The following SMG9 variants were observed in gnomAD, a reference collection of about 807,000 sequenced individuals.
The protein encoded by SMG9 is SMG9 nonsense mediated mRNA decay factor.
Under a neutral mutation model 64.0 loss-of-function variants are expected in SMG9, and 55 were observed. That is an observed-to-expected ratio of 0.86 (90% CI 0.69 to 1.08). SMG9 has a LOEUF of 1.08. Ranked by LOEUF, SMG9 falls within the 50% of genes least tolerant of loss-of-function variation. The pLI, the probability that SMG9 is intolerant of heterozygous loss-of-function variation, is 0.00. For synonymous variants in SMG9, 244 were observed against 254.8 expected, an observed-to-expected ratio of 0.96 and a Z score of 0.41; for missense variants, 554 against 681.3, an observed-to-expected ratio of 0.81 and a Z score of 2.08.
At chr19:43,746,010 A>AG (rs1968991265) in intron 5 of SMG9, among the ~76,000 whole-genome samples, 1 of 143,776 alleles carries the variant, frequency 7.0e-6, no homozygotes, top group African/African-American at 2.6e-5. Context: ...ACAAAAAAAC[A>AG]AAAAAAAAAA....
intron 13 of SMG9, 23 bp downstream of exon 13, chr19:43,732,834 AC>A: frequency 6.8e-6 from 11 of 1,611,580 alleles, no homozygotes; most frequent in Non-Finnish European, 9.3e-6. Flanking sequence ...CCTCAAATTG[AC>A]CCCCTCTGCA....
chr19:43,732,570 T>C, intron 13 of SMG9: 1 of 424,452 alleles, frequency 2.4e-6, no homozygotes, highest in South Asian at 2.3e-5. Context: ...ATGTGTGGCC[T>C]TGCTATGTAA....
chr19:43,752,860 C>T (rs1417875659), intron 1 of SMG9, among the ~76,000 whole-genome samples: 1 of 141,840 alleles, frequency 7.1e-6, no homozygotes, highest in Non-Finnish European at 1.5e-5. Context: ...GATCATGCTG[C>T]ACCACTGCAC....
rs779884859 is a variant in SMG9 at position 43,750,669 on chromosome 19, A to G, written c.73T>C (p.Ser25Pro). Reference protein sequence around the residue: ...ERRRRWKEPGSGGPQNLSGPG... With the variant: ...ERRRRWKEPGPGGPQNLSGPG... ...CCAGAGAGATTCTGGGGGCCACCAGAGCCAGGCTCCTTCCACCGTCGCCGC... is the reference window on the plus strand; with the variant it reads ...CCAGAGAGATTCTGGGGGCCACCAGGGCCAGGCTCCTTCCACCGTCGCCGC... Residue 25 changes from serine to proline, a missense_variant, in exon 2 of 14, where the codon TCT (serine) becomes CCT (proline). Coordinates refer to ENST00000270066, the MANE Select transcript of SMG9 (RefSeq NM_019108.4). The G allele has an allele frequency of 1.9e-6, 3 of 1,614,044 alleles. No individual in the cohort carries two copies. Among genetic ancestry groups the G allele is most frequent in the South Asian group, 1.1e-5 (1 of 91,070 alleles).
chr19:43,744,990 A>G (rs1968957283), intron 5 of SMG9, 106 bp from the exon 6 acceptor site: 4 of 724,824 alleles, frequency 5.5e-6, no homozygotes, highest in African/African-American at 3.6e-5. Context: ...GCCTTATCAT[A>G]TATGAAGAGA....
intron 9 of SMG9, 95 bp downstream of exon 9, chr19:43,737,502 C>G: frequency 4.6e-6 from 5 of 1,097,826 alleles, no homozygotes; most frequent in Non-Finnish European, 5.3e-6. Context: ...AAGGATCCCT[C>G]TGGCTGCTGT....
intron 6 of SMG9, among the ~76,000 whole-genome samples, 163 bp from the exon 7 acceptor site, chr19:43,740,381 G>A (rs747167091): frequency 2.0e-5 from 3 of 152,028 alleles, no homozygotes; most frequent in Non-Finnish European, 4.4e-5. Flanking sequence ...CGGGGGTAGT[G>A]CATGTTTTGA....
rs1189633751 is a variant in SMG9 at position 43,750,777 on chromosome 19, G to A, written c.-6-30C>T. 1.9e-6 allele frequency: 3 copies of A among 1,582,388 alleles called. No homozygotes were observed. The African/African-American group carries it at 4.1e-5, about 21-fold the overall frequency. Reference sequence around the variant, plus strand: ...GGAGGGAATGAGGGGATTTCAGGATGACAGAGTCTCTTCCTACTCTACTTG... The same window carrying A: ...GGAGGGAATGAGGGGATTTCAGGATAACAGAGTCTCTTCCTACTCTACTTG... On this transcript the variant is annotated intron_variant, in intron 1 of 13. Transcript: ENST00000270066.
At chr19:43,732,791 G>A in intron 13 of SMG9, 67 bp downstream of exon 13, 1 of 1,594,144 alleles carries the variant, frequency 6.3e-7, no homozygotes, top group East Asian at 2.2e-5. Flanking sequence ...CGATCTAAGG[G>A]ACGCCCCCTT....
In SMG9 at chr19:43,733,711, GC is replaced by G; in HGVS notation, c.1124del (p.Arg375ProfsTer15). On this transcript the variant is annotated frameshift_variant, in exon 11 of 14. Coordinates refer to ENST00000270066, the MANE Select transcript of SMG9 (RefSeq NM_019108.4). LOFTEE classifies it high-confidence loss of function. ...GCTTCCGAGGACAGAAGTCCTCTCGGCGAGCTTTGTTCTGCAAGAAGACTGA... is the reference window on the plus strand; with the variant it reads ...GCTTCCGAGGACAGAAGTCCTCTCGGGAGCTTTGTTCTGCAAGAAGACTGA... ...PHLVFLQNKA[R>X]REDFCPRKLR... The G allele has an allele frequency of 6.2e-7, 1 of 1,614,164 alleles. No individual in the cohort carries two copies. The highest frequency in any genetic ancestry group is 8.5e-7 in the Non-Finnish European group (1 of 1,180,026).
intron 6 of SMG9, among the ~76,000 whole-genome samples, chr19:43,741,581 A>C (rs1160095221): frequency 6.6e-6 from 1 of 152,072 alleles, no homozygotes; most frequent in Non-Finnish European, 1.5e-5. Flanking sequence ...AAAAGTGGAG[A>C]TAGGCTTACA....
intron 6 of SMG9, among the ~76,000 whole-genome samples, chr19:43,740,449 G>A (rs1268548896): frequency 2.0e-5 from 3 of 152,144 alleles, no homozygotes; most frequent in Admixed American, 1.3e-4. Flanking sequence ...AATGAAGCCA[G>A]TACACTGAGG....
intron 10 of SMG9, 21 bp from the exon 11 acceptor site, chr19:43,733,754 GC>G (rs759965138): frequency 2.5e-6 from 4 of 1,597,096 alleles, no homozygotes; most frequent in Non-Finnish European, 2.6e-6. Context: ...GAAGAGACGG[GC>G]CCTGTCAGGC....
chr19:43,735,492 C>A (rs977352418), intron 9 of SMG9, among the ~76,000 whole-genome samples: 1 of 151,828 alleles, frequency 6.6e-6, no homozygotes, highest in African/African-American at 2.4e-5. Context: ...GTGGCACACA[C>A]CTGTAGTCCC....
At chr19:43,743,951 C>T (rs185978266) in intron 6 of SMG9, among the ~76,000 whole-genome samples, 249 of 152,318 alleles carry the variant, frequency 1.6e-3, no homozygotes, top group African/African-American at 5.8e-3. Context: ...TTCTTCACCA[C>T]CCCAGTGGCT....
At chr19:43,754,513 G>C (rs184951098) in intron 1 of SMG9, 141 bp downstream of exon 1, 1 of 152,132 alleles carries the variant, frequency 6.6e-6, no homozygotes, top group Non-Finnish European at 1.5e-5. Context: ...TCGAATTGAC[G>C]GTCGCCGGCC....
rs904887148 is a variant in SMG9, at chr19:43,750,110, C to G, written c.150+482G>C. ...AAACATGAGCTATGGCACCTCTCAG[C>G]TCAAACTCTCCAATGCCAATTTCAC... On this transcript the variant is annotated intron_variant, in intron 2 of 13. Coordinates refer to ENST00000270066, the MANE Select transcript of SMG9 (RefSeq NM_019108.4). 2.1e-4 allele frequency: 111 copies of G among 519,586 alleles called. 1 individual carries two copies. Among genetic ancestry groups the G allele is most frequent in the Non-Finnish European group, 2.7e-4 (71 of 259,606 alleles). 32.2% of individuals were successfully genotyped at this position (519,586 alleles called of 1,614,324 possible).
At chr19:43,752,718 C>G (rs1375192018) in intron 1 of SMG9, among the ~76,000 whole-genome samples, 1 of 151,954 alleles carries the variant, frequency 6.6e-6, no homozygotes, top group Non-Finnish European at 1.5e-5. Flanking sequence ...GGCAACATAG[C>G]AAGATCCTGT....
In SMG9 at chr19:43,750,882, T is replaced by G. The variant is rs184103397; in HGVS notation, c.-6-135A>C. ...CTCTGTCGCCCAGGCTGGAGTACAG[T>G]GGCCTGATCTTGGCTCACTGCAACC... is the stretch of plus-strand genomic sequence containing the variant. On this transcript the variant is annotated intron_variant, in intron 1 of 13. Transcript: ENST00000270066. The G allele has an allele frequency of 2.2e-5, 16 of 743,246 alleles. No individual in the cohort carries two copies. In the East Asian group the frequency reaches 4.5e-4, roughly 21 times the overall value. 46.0% of individuals were successfully genotyped at this position (743,246 alleles called of 1,614,324 possible). A position where few individuals can be genotyped will look rare whatever the true frequency, so the allele number is the denominator to read the frequency against.
Sources: allele counts gnomAD v4.1 joint callset (sites outside exome capture counted in the v4.1 genomes callset), GRCh38; gene constraint gnomAD v4.1.1; transcripts MANE v1.5; gene names NCBI Gene and HGNC (gene_info 2026-07-23, HGNC 2026-07-21).